The following UTRN variants were observed in gnomAD, a reference collection of about 807,000 sequenced individuals.
UTRN encodes dystrophin-related protein 1.
A neutral mutation model predicts 463.9 loss-of-function variants in UTRN; 283 were observed. That is an observed-to-expected ratio of 0.61 (90% CI 0.55 to 0.67). The LOEUF is 0.67. Ranked by LOEUF, UTRN falls within the 30% of genes least tolerant of loss-of-function variation. UTRN has a pLI of 0.00. For synonymous variants in UTRN, 1,442 were observed against 1,431.5 expected, an observed-to-expected ratio of 1.01 and a Z score of -0.17; for missense variants, 3,922 against 4,084.3, an observed-to-expected ratio of 0.96 and a Z score of 1.08.
chr6:144,598,487 A>G (rs1375886788), intron 51 of UTRN, among the ~76,000 whole-genome samples: 1 of 152,204 alleles, frequency 6.6e-6, no homozygotes, highest in Non-Finnish European at 1.5e-5. Context: ...AATGTTTCTT[A>G]TCAGACATAA....
intron 63 of UTRN, among the ~76,000 whole-genome samples, chr6:144,795,641 CTA>C (rs1207057117): frequency 1.3e-5 from 2 of 151,976 alleles, no homozygotes; most frequent in Admixed American, 6.6e-5. Flanking sequence ...AGCTTTTTTT[CTA>C]TGTTTGTTGG....
chr6:144,344,393 A>C, intron 2 of UTRN: 1 of 1,284,392 alleles, frequency 7.8e-7, no homozygotes, highest in Non-Finnish European at 1.0e-6. Context: ...CAGTTTTGTT[A>C]AGTAACAAAG....
chr6:144,710,219 C>G (rs184446346), intron 53 of UTRN, among the ~76,000 whole-genome samples: 1 of 152,286 alleles, frequency 6.6e-6, no homozygotes, highest in East Asian at 1.9e-4. Flanking sequence ...GTTCAAACAC[C>G]TAGCGGTTAT....
intron 51 of UTRN, among the ~76,000 whole-genome samples, chr6:144,618,755 T>C (rs1290164916): frequency 6.6e-6 from 1 of 152,062 alleles, no homozygotes; most frequent in African/African-American, 2.4e-5. Flanking sequence ...GTTTGGAAAT[T>C]AAAATACTCT....
At position 144,789,983 on chromosome 6, in the gene UTRN, A is replaced by C. The variant is rs532493200; in HGVS notation, c.8920+704A>C. On this transcript the variant is annotated intron_variant, in intron 62 of 74. Transcript: ENST00000367545. ...ACTTAGTAGCTGAGTGTCTTTGGGC[A>C]GGTTATGTGATTTCATTGAATATTG... Among the ~76,000 whole-genome samples the C allele has an allele frequency of 1.1e-4, 16 of 152,342 alleles. No individual in the cohort carries two copies. In the South Asian group the frequency reaches 3.3e-3, roughly 32 times the overall value.
intron 52 of UTRN, among the ~76,000 whole-genome samples, chr6:144,692,908 A>AT (rs944933115): frequency 4.6e-5 from 7 of 151,304 alleles, no homozygotes; most frequent in Non-Finnish European, 1.0e-4. Context: ...CATTTATCAA[A>AT]TTTTTGCCTT....
At chr6:144,494,550 C>T (rs376813537) in intron 33 of UTRN, among the ~76,000 whole-genome samples, 10 of 152,290 alleles carry the variant, frequency 6.6e-5, no homozygotes, top group African/African-American at 2.4e-4. Context: ...ACTGCTGGCT[C>T]GCGCAGCCTG....
intron 48 of UTRN, among the ~76,000 whole-genome samples, chr6:144,551,388 A>G (rs555465129): frequency 6.6e-6 from 1 of 152,190 alleles, no homozygotes; most frequent in Non-Finnish European, 1.5e-5. Context: ...GAGGAATAAA[A>G]AAAGGTTAAA....
chr6:144,461,800 G>C (rs1320694775), intron 22 of UTRN, among the ~76,000 whole-genome samples: 1 of 152,118 alleles, frequency 6.6e-6, no homozygotes, highest in Non-Finnish European at 1.5e-5. Flanking sequence ...GGTTTTTAGG[G>C]TTGAGAATAC....
chr6:144,458,843 T>C lies in UTRN; in HGVS notation c.2358T>C (p.His786=). 1 of 1,613,392 alleles carries C rather than the reference T, an allele frequency of 6.2e-7. No homozygotes were observed. ...VSSEWKNVSQ[H]LEDLERKIQL... ...CAGAATGGAAGAATGTATCTCAACA[T>C]TTGGAAGATCTAGAAAGAAAGATTC... The change falls in exon 20 of 75, where the codon CAT becomes CAC. Residue 786 remains histidine (H), a synonymous_variant. Transcript: ENST00000367545.
intron 3 of UTRN, among the ~76,000 whole-genome samples, chr6:144,406,356 CTTTTTTTTTTTTTTTTTTTTT>C (rs1192968838): frequency 8.0e-6 from 1 of 125,582 alleles, no homozygotes; most frequent in Non-Finnish European, 1.6e-5. Context: ...TTTTTCTTTT[CTTTTTTTTTTTTTTTTTTTTT>C]GAGACACAGT....
At chr6:144,405,170 C>T (rs1562351194) in intron 3 of UTRN, among the ~76,000 whole-genome samples, 10 of 152,264 alleles carry the variant, frequency 6.6e-5, no homozygotes, top group Admixed American at 5.2e-4. Flanking sequence ...AACTACCAAA[C>T]GTGGGATGAC....
At chr6:144,838,285 G>C (rs1781270167) in intron 71 of UTRN, among the ~76,000 whole-genome samples, 1 of 152,168 alleles carries the variant, frequency 6.6e-6, no homozygotes, top group Admixed American at 6.5e-5. Context: ...TTTAGAGATA[G>C]CTAATATCCA....
intron 3 of UTRN, among the ~76,000 whole-genome samples, chr6:144,410,111 T>C (rs1315509148): frequency 2.0e-5 from 3 of 152,238 alleles, no homozygotes; most frequent in East Asian, 1.9e-4. Context: ...ACCAAAAAAA[T>C]TGGGTCTATT....
At chr6:144,825,691 C>T (rs1780113004) in intron 66 of UTRN, among the ~76,000 whole-genome samples, 1 of 151,974 alleles carries the variant, frequency 6.6e-6, no homozygotes, top group South Asian at 2.1e-4. Flanking sequence ...ATTTGAAGTT[C>T]GTGGCATATG....
intron 71 of UTRN, among the ~76,000 whole-genome samples, chr6:144,838,415 C>T (rs1781283127): frequency 6.6e-6 from 1 of 152,186 alleles, no homozygotes; most frequent in African/African-American, 2.4e-5. Flanking sequence ...AACTACCAGG[C>T]TTCAACTAAT....
chr6:144,726,326 T>C (rs1787877703), intron 53 of UTRN, among the ~76,000 whole-genome samples: 1 of 152,028 alleles, frequency 6.6e-6, no homozygotes, highest in Admixed American at 6.6e-5. Context: ...TTTTTATAGT[T>C]CCCTGAGGGC....
intron 63 of UTRN, among the ~76,000 whole-genome samples, chr6:144,795,587 C>A (rs1161815825): frequency 1.3e-5 from 2 of 152,170 alleles, no homozygotes; most frequent in African/African-American, 4.8e-5. Context: ...GATGGTATCT[C>A]ATTGTGGTTT....
At chr6:144,713,602 G>A (rs1207683070) in intron 53 of UTRN, among the ~76,000 whole-genome samples, 11 of 147,640 alleles carry the variant, frequency 7.5e-5, no homozygotes, top group African/African-American at 1.7e-4. Context: ...CAACAAGAGC[G>A]AAACTCTGTC....
Sources: allele counts gnomAD v4.1 joint callset (sites outside exome capture counted in the v4.1 genomes callset), GRCh38; gene constraint gnomAD v4.1.1; transcripts MANE v1.5; gene names NCBI Gene and HGNC (gene_info 2026-07-23, HGNC 2026-07-21).